Variants in FBN3 observed in about 807,000 individuals in gnomAD.
The protein encoded by FBN3 is fibrillin 3.
FBN3 carries 234 observed loss-of-function variants against 330.1 expected under a neutral mutation model. The observed-to-expected ratio is 0.71, with a 90% CI of 0.64 to 0.79. FBN3 has a LOEUF of 0.79. Ranked by LOEUF, FBN3 falls within the 30% of genes least tolerant of loss-of-function variation. FBN3 has a pLI of 0.00. For missense variants in FBN3, 3,606 were observed against 3,886.9 expected, an observed-to-expected ratio of 0.93 and a Z score of 1.92; for synonymous variants, 1,458 against 1,517.3, an observed-to-expected ratio of 0.96 and a Z score of 0.91.
intron 25 of FBN3, 32 bp from the exon 26 acceptor site, chr19:8,119,054 A>C: frequency 6.3e-7 from 1 of 1,577,026 alleles, no homozygotes. Flanking sequence ...GAGAGCAGGC[A>C]TGAAGGTGCT....
chr19:8,138,647 G>C (rs2083343990), intron 8 of FBN3, 83 bp from the exon 9 acceptor site: 1 of 1,418,758 alleles, frequency 7.0e-7, no homozygotes, highest in East Asian at 2.5e-5. Context: ...TAGCAGCACT[G>C]CCTGTAGGAC....
At chr19:8,097,488 C>T in intron 41 of FBN3, 74 bp from the exon 42 acceptor site, 1 of 1,489,634 alleles carries the variant, frequency 6.7e-7, no homozygotes, top group Non-Finnish European at 9.1e-7. Flanking sequence ...AAGGGACCCA[C>T]TAGCCCTGCA....
Position 8,097,288 on chromosome 19 carries a change from C to T in FBN3, c.5287+1G>A. ...GGGCTGGGAACAGGGAGAGGTGGCA[C>T]CTTCACAAGCCAGCAGGATGCTGTT... On this transcript the variant is annotated splice_donor_variant, in intron 42 of 63. Transcript: ENST00000600128. LOFTEE classifies it high-confidence loss of function. 1.2e-6 allele frequency: 2 copies of T among 1,602,868 alleles called. No homozygotes were observed. Among genetic ancestry groups the T allele is most frequent in the Non-Finnish European group, 1.7e-6 (2 of 1,171,704 alleles).
rs2082315035 is a variant in FBN3, at chr19:8,100,945, TGATTTCCACACAG to T, written c.5104_5116del (p.Leu1702ArgfsTer33). On this transcript the variant is annotated frameshift_variant, in exon 41 of 64. Coordinates refer to ENST00000600128, the MANE Select transcript of FBN3 (RefSeq NM_032447.5). LOFTEE classifies it high-confidence loss of function. ...GATGTCAGTGAGGAATCCCGGGGCC[TGATTTCCACACAG>T]GATCTGGTAGTCAGCTGCGCAAAGG... The T allele has an allele frequency of 6.2e-7, 1 of 1,613,750 alleles. No homozygotes were observed. Among genetic ancestry groups the T allele is most frequent in the Non-Finnish European group, 8.5e-7 (1 of 1,179,864 alleles).
At chr19:8,142,999 G>A (rs1042405187) in intron 6 of FBN3, among the ~76,000 whole-genome samples, 2 of 151,850 alleles carry the variant, frequency 1.3e-5, no homozygotes, top group Non-Finnish European at 2.9e-5. Context: ...TCCCCGGGTC[G>A]TGCCCATCCT....
Position 8,117,164 on chromosome 19 carries a change from C to T in FBN3, c.3586+5G>A. On this transcript the variant is annotated splice_donor_5th_base_variant and intron_variant, in intron 28 of 63. Coordinates refer to ENST00000600128, the MANE Select transcript of FBN3 (RefSeq NM_032447.5). ...AGGCAGTGGGAAGAAGTTGTGCCCA[C>T]CTACCTGCACATGCCCTTCCGTCGG... is the stretch of plus-strand genomic sequence containing the variant. 6.2e-7 allele frequency: 1 copy of T among 1,613,988 alleles called. No homozygotes were observed. Among genetic ancestry groups the T allele is most frequent in the Non-Finnish European group, 8.5e-7 (1 of 1,179,936 alleles).
intron 4 of FBN3, 60 bp downstream of exon 4, chr19:8,146,067 G>A (rs1180935190): frequency 4.6e-6 from 7 of 1,525,990 alleles, no homozygotes; most frequent in Non-Finnish European, 6.2e-6. Flanking sequence ...CAGGCTCCTC[G>A]TGGCAACCAG....
At chr19:8,097,132 G>C in intron 42 of FBN3, 126 bp from the exon 43 acceptor site, 1 of 1,482,620 alleles carries the variant, frequency 6.7e-7, no homozygotes, top group East Asian at 2.3e-5. Flanking sequence ...CTGGAGTAAG[G>C]GTGGTTATAT....
chr19:8,121,171 C>T lies in FBN3; in HGVS notation c.3211+87G>A. On this transcript the variant is annotated intron_variant, in intron 25 of 63. Coordinates refer to ENST00000600128, the MANE Select transcript of FBN3 (RefSeq NM_032447.5). This position sits in a 1 kb window ranked among gnomAD's most constrained non-coding sequence, Gnocchi z 4.5. ...CTCCTGCCCCCTCCATCCACGTCCA[C>T]ACAGCAACAGCCGTCCCCACCCTCC... 1 of 1,330,152 alleles carries T rather than the reference C, an allele frequency of 7.5e-7. No individual in the cohort carries two copies. Among genetic ancestry groups the T allele is most frequent in the Non-Finnish European group, 1.0e-6 (1 of 967,876 alleles). The allele number at this position is 1,330,152 out of a possible 1,614,324, so 82.4% of individuals were successfully genotyped here. A position where few individuals can be genotyped will look rare whatever the true frequency, so the allele number is the denominator to read the frequency against.
intron 13 of FBN3, 26 bp downstream of exon 13, chr19:8,135,935 T>TTGGGGGGGGGGGGGGCGGC: frequency 1.5e-6 from 2 of 1,344,156 alleles, no homozygotes; most frequent in Non-Finnish European, 1.0e-6. Flanking sequence ...CGGAAGCCCC[T>TTGGGGGGGGGGGGGGCGGC]GCCCACCCGC....
At chr19:8,067,120 CTTCTTT>C (rs1456433119) in intron 63 of FBN3, among the ~76,000 whole-genome samples, 3 of 149,670 alleles carry the variant, frequency 2.0e-5, no homozygotes, top group African/African-American at 7.3e-5. Flanking sequence ...TTTGTTTCTT[CTTCTTT>C]TTCTTTTTTT....
intron 21 of FBN3, 98 bp from the exon 22 acceptor site, chr19:8,126,115 A>T (rs2082975265): frequency 7.1e-6 from 11 of 1,559,166 alleles, no homozygotes; most frequent in African/African-American, 2.7e-5. Flanking sequence ...GGAGGAAGGA[A>T]GGGGACGGGG....
chr19:8,140,260 T>A lies in FBN3; in HGVS notation c.865+1457A>T, dbSNP rs146815154. On this transcript the variant is annotated intron_variant, in intron 8 of 63. Coordinates refer to ENST00000600128, the MANE Select transcript of FBN3 (RefSeq NM_032447.5). The stretch of plus-strand genomic sequence containing the variant: ...GGGTGGATCACCTGAGGTCAAGAGT[T>A]TGAGACCAGCCTGGCCAACACAGTG... 8.4e-3 allele frequency among the ~76,000 whole-genome samples: 1,276 copies of A among 152,122 alleles called. 24 individuals are homozygous for A. The highest frequency in any genetic ancestry group is 0.029 in the African/African-American group (1,209 of 41,472).
chr19:8,111,030 T>C, intron 33 of FBN3, 28 bp downstream of exon 33: 1 of 1,613,442 alleles, frequency 6.2e-7, no homozygotes, highest in Non-Finnish European at 8.5e-7. Flanking sequence ...ACCCACTCTG[T>C]CCTCTGCCCT....
chr19:8,149,422 C>T lies in FBN3; in HGVS notation c.-18+27G>A, dbSNP rs1210316032. 1.3e-5 allele frequency: 2 copies of T among 152,012 alleles called. No homozygotes were observed. The highest frequency in any genetic ancestry group is 1.9e-4 in the East Asian group (1 of 5,160). 9.4% of individuals were successfully genotyped at this position (152,012 alleles called of 1,614,324 possible). A position where few individuals can be genotyped will look rare whatever the true frequency, so the allele number is the denominator to read the frequency against. ...CCCTTCAGCGCCCGCGATCTCGCCC[C>T]GCCGCTGGCCCCGCGCCTTCACCTA... On this transcript the variant is annotated intron_variant, in intron 1 of 63. Coordinates refer to ENST00000600128, the MANE Select transcript of FBN3 (RefSeq NM_032447.5). The surrounding 1 kb of genome is among the most constrained non-coding windows in gnomAD (Gnocchi z 5.5).
In FBN3 at chr19:8,111,637, T is replaced by G; in HGVS notation, c.4084+11A>C. 7.9e-6 allele frequency: 7 copies of G among 881,610 alleles called. No homozygotes were observed. Among genetic ancestry groups the G allele is most frequent in the African/African-American group, 2.9e-5 (1 of 34,978 alleles). The allele number at this position is 881,610 out of a possible 1,614,324, so 54.6% of individuals were successfully genotyped here. On this transcript the variant is annotated intron_variant, in intron 32 of 63. Coordinates refer to ENST00000600128, the MANE Select transcript of FBN3 (RefSeq NM_032447.5). ...TCTAGGGCCCCTGCCCTCCCACCCC[T>G]CTAATCTCACCTTCGCAGAAGAAGC...
At chr19:8,119,763 C>T (rs954403388) in intron 25 of FBN3, among the ~76,000 whole-genome samples, 1 of 151,230 alleles carries the variant, frequency 6.6e-6, no homozygotes, top group African/African-American at 2.4e-5. Flanking sequence ...ATTCACCTGC[C>T]TCAGCCTCCC....
chr19:8,079,799 A>G (rs1014609790), intron 59 of FBN3, among the ~76,000 whole-genome samples: 1 of 152,154 alleles, frequency 6.6e-6, no homozygotes, highest in Non-Finnish European at 1.5e-5. Flanking sequence ...CATGTTGGCC[A>G]GGCTGGTCTC....
At chr19:8,092,068 T>C (rs559700062) in intron 47 of FBN3, among the ~76,000 whole-genome samples, 3 of 151,732 alleles carry the variant, frequency 2.0e-5, no homozygotes, top group African/African-American at 7.3e-5. Context: ...GTCCCAGCTA[T>C]TCTGGAGGCT....
Sources: allele counts gnomAD v4.1 joint callset (sites outside exome capture counted in the v4.1 genomes callset), GRCh38; gene constraint gnomAD v4.1.1; non-coding constraint Gnocchi (gnomAD v3.1); transcripts MANE v1.5; gene names NCBI Gene and HGNC (gene_info 2026-07-23, HGNC 2026-07-21).